ARHGEF10L: variants seen among roughly 807,000 people sequenced by gnomAD.
ARHGEF10L encodes Rho guanine nucleotide exchange factor 10 like.
Under a neutral mutation model 141.2 loss-of-function variants are expected in ARHGEF10L, and 69 were observed. The ratio of observed to expected loss-of-function variants is 0.49; its 90% CI spans 0.40 to 0.60. The LOEUF is 0.60. Ranked by LOEUF, ARHGEF10L falls within the 20% of genes least tolerant of loss-of-function variation. The probability of loss-of-function intolerance (pLI) is 0.00; values close to 1 mark genes in which losing one functional copy is unlikely to be tolerated. For synonymous variants in ARHGEF10L, 711 were observed against 718.5 expected, an observed-to-expected ratio of 0.99 and a Z score of 0.17; for missense variants, 1,482 against 1,734.3, an observed-to-expected ratio of 0.85 and a Z score of 2.58.
At position 17,623,795 on chromosome 1, in the gene ARHGEF10L, T is replaced by C. The variant is rs2060233091; in HGVS notation, c.1201-592T>C. Among the ~76,000 whole-genome samples the C allele has an allele frequency of 6.6e-6, 1 of 152,180 alleles. No homozygotes were observed. Among genetic ancestry groups the C allele is most frequent in the African/African-American group, 2.4e-5 (1 of 41,450 alleles). On this transcript the variant is annotated intron_variant, in intron 12 of 28. Coordinates refer to ENST00000361221, the MANE Select transcript of ARHGEF10L (RefSeq NM_018125.4). The surrounding 1 kb of genome is among the most constrained non-coding windows in gnomAD (Gnocchi z 4.7). The stretch of plus-strand genomic sequence containing the variant: ...GGTAGCACTCTACTTTGATGTGTTT[T>C]AGGTAACTAGGTTTTGCTAAAAGAA...
intron 15 of ARHGEF10L, among the ~76,000 whole-genome samples, chr1:17,628,034 T>TA (rs372751897): frequency 0.1 from 14,627 of 143,956 alleles, 880 homozygotes; most frequent in Non-Finnish European, 0.14. Context: ...AACATGCTAT[T>TA]AAAAAAAAAA....
chr1:17,696,993 G>C lies in ARHGEF10L; in HGVS notation c.3453G>C (p.Gln1151His). The part of the protein sequence containing the change: ...PRAEEDKPDG[Q>H]AHEPMPDSHV... ...CTGAGGAGGACAAGCCAGACGGGCA[G>C]GCACACGAGCCCATGCCCGATAGCC... is the stretch of plus-strand genomic sequence containing the variant. Residue 1151 changes from glutamine to histidine, a missense_variant, in exon 29 of 29, where the codon CAG becomes CAC. Physicochemically the swap from Gln to His is conservative, Grantham distance 24. Transcript: ENST00000361221. 1.9e-6 allele frequency: 3 copies of C among 1,610,184 alleles called. No homozygotes were observed. Among genetic ancestry groups the C allele is most frequent in the Non-Finnish European group, 2.5e-6 (3 of 1,178,292 alleles).
intron 1 of ARHGEF10L, among the ~76,000 whole-genome samples, chr1:17,561,553 C>T (rs927906388): frequency 1.3e-5 from 2 of 152,204 alleles, no homozygotes; most frequent in Non-Finnish European, 2.9e-5. Flanking sequence ...GTGACTTGCC[C>T]AGCGTCGATG....
intron 21 of ARHGEF10L, among the ~76,000 whole-genome samples, chr1:17,647,687 T>G (rs2061680913): frequency 6.6e-6 from 1 of 152,158 alleles, no homozygotes; most frequent in South Asian, 2.1e-4. Context: ...GGACCACGGA[T>G]GATTTTAGAT....
intron 1 of ARHGEF10L, among the ~76,000 whole-genome samples, chr1:17,557,712 G>A (rs918846838): frequency 2.6e-5 from 4 of 152,228 alleles, no homozygotes; most frequent in East Asian, 1.9e-4. Context: ...CCCAGGGGAA[G>A]ATGGCCTAGG....
At chr1:17,668,773 T>C (rs2063138124) in intron 26 of ARHGEF10L, among the ~76,000 whole-genome samples, 1 of 152,128 alleles carries the variant, frequency 6.6e-6, no homozygotes, top group Non-Finnish European at 1.5e-5. Flanking sequence ...ACACAACCAT[T>C]CGGCACAGTA....
intron 4 of ARHGEF10L, among the ~76,000 whole-genome samples, chr1:17,589,739 G>A (rs931084915): frequency 5.9e-5 from 9 of 152,190 alleles, no homozygotes; most frequent in African/African-American, 1.7e-4. Context: ...GGGAAGGGCC[G>A]TGATGGCTGC....
chr1:17,535,030 G>T (rs1187737846), upstream of ARHGEF10L, among the ~76,000 whole-genome samples: 1 of 152,042 alleles, frequency 6.6e-6, no homozygotes, highest in East Asian at 1.9e-4. Context: ...CATTTATTGT[G>T]CACTTTATTT....
rs1022828638 is a variant in ARHGEF10L at position 17,613,048 on chromosome 1, G to T, written c.610-10G>T. 6 of 1,605,074 alleles carry T rather than the reference G, an allele frequency of 3.7e-6. No individual in the cohort carries two copies. The highest frequency in any genetic ancestry group is 5.1e-6 in the Non-Finnish European group (6 of 1,172,336). Reference sequence around the variant, plus strand: ...CTGCTTTCCTTCTGCCTGGCCGCTTGGGGCTCCAGCTTTCTCCAGACCTGA... The same window carrying T: ...CTGCTTTCCTTCTGCCTGGCCGCTTTGGGCTCCAGCTTTCTCCAGACCTGA... On this transcript the variant is annotated splice_polypyrimidine_tract_variant and intron_variant, in intron 7 of 28. Coordinates refer to ENST00000361221, the MANE Select transcript of ARHGEF10L (RefSeq NM_018125.4).
chr1:17,519,075 T>G, the ARHGEF10L span, among the ~76,000 whole-genome samples: 1 of 151,698 alleles, frequency 6.6e-6, no homozygotes, highest in Admixed American at 6.6e-5. Flanking sequence ...CTCGGGAGGC[T>G]GAGGCAGGAG....
intron 8 of ARHGEF10L, among the ~76,000 whole-genome samples, chr1:17,613,758 T>A (rs1453673929): frequency 1.3e-5 from 2 of 152,264 alleles, no homozygotes; most frequent in African/African-American, 4.8e-5. Flanking sequence ...GCACCTGCTC[T>A]GTGTCTTGGC....
At chr1:17,524,419 A>ACACG in the ARHGEF10L span, among the ~76,000 whole-genome samples, 1 of 140,302 alleles carries the variant, frequency 7.1e-6, no homozygotes, top group African/African-American at 2.7e-5. Flanking sequence ...ACACACACAC[A>ACACG]CAAAATTAGC....
chr1:17,537,854 C>CAA (rs10611023), upstream of ARHGEF10L, among the ~76,000 whole-genome samples: 102 of 79,754 alleles, frequency 1.3e-3, no homozygotes, highest in East Asian at 1.8e-3. Context: ...ACCATCTCTA[C>CAA]AAAAAAAAAA....
chr1:17,649,353 C>T (rs1201171078), intron 22 of ARHGEF10L, among the ~76,000 whole-genome samples: 1 of 152,150 alleles, frequency 6.6e-6, no homozygotes, highest in Non-Finnish European at 1.5e-5. Context: ...CCTAGCTCGC[C>T]CTCCATCTAG....
intron 14 of ARHGEF10L, among the ~76,000 whole-genome samples, chr1:17,626,492 C>A (rs1364160075): frequency 4.6e-5 from 7 of 152,136 alleles, no homozygotes; most frequent in Non-Finnish European, 5.9e-5. Flanking sequence ...TGGGCAGGGG[C>A]TGGCCCTCAT....
intron 27 of ARHGEF10L, among the ~76,000 whole-genome samples, chr1:17,693,806 C>A (rs1408469125): frequency 6.6e-6 from 1 of 152,180 alleles, no homozygotes; most frequent in South Asian, 2.1e-4. Flanking sequence ...AAAGTGGAAA[C>A]CTTCTGGAAT....
intron 1 of ARHGEF10L, among the ~76,000 whole-genome samples, chr1:17,571,465 G>GAGAAAT (rs757933295): frequency 2.0e-5 from 3 of 152,190 alleles, no homozygotes; most frequent in Admixed American, 6.5e-5. Flanking sequence ...AAGGGGAGCA[G>GAGAAAT]AGAAATGGGG....
intron 15 of ARHGEF10L, among the ~76,000 whole-genome samples, chr1:17,631,675 C>T (rs1216900472): frequency 1.3e-5 from 2 of 152,208 alleles, no homozygotes; most frequent in African/African-American, 2.4e-5. Context: ...TGCCATCACA[C>T]ATGACCTGTG....
At position 17,623,124 on chromosome 1, in the gene ARHGEF10L, C is replaced by T. The variant is rs115978067; in HGVS notation, c.1149C>T (p.Arg383=). The change falls in exon 12 of 29, where the codon CGC becomes CGT. Residue 383 remains arginine, a synonymous_variant. Transcript: ENST00000361221. This position sits in a 1 kb window ranked among gnomAD's most constrained non-coding sequence, Gnocchi z 4.7. ...HSMFQIALSS[R]VAEWDSTEKI... ...TGTTCCAGATCGCCCTGTCCTCCCG[C>T]GTGGCTGAGTGGGATTCCACCGAGA... 1.2e-5 allele frequency: 19 copies of T among 1,613,984 alleles called. No homozygotes were observed. The Admixed American group carries it at 1.7e-4, about 14-fold the overall frequency.
Sources: gnomAD v4.1 joint callset for allele counts (sites outside exome capture counted in the v4.1 genomes callset) on GRCh38, gnomAD v4.1.1 for gene constraint, Gnocchi (gnomAD v3.1) non-coding constraint, MANE v1.5 for transcripts, NCBI Gene and HGNC (gene_info 2026-07-23, HGNC 2026-07-21) for gene names.